PPP2CA: variants seen among roughly 807,000 people sequenced by gnomAD.
PPP2CA encodes the protein protein phosphatase 2 catalytic subunit alpha.
In PPP2CA, 5 loss-of-function variants were observed where a neutral mutation model predicts 38.8. That is an observed-to-expected ratio of 0.13 (90% CI 0.07 to 0.27). The LOEUF (loss-of-function observed/expected upper bound fraction) is 0.27. PPP2CA is among the 10% of genes least tolerant of loss of function. The pLI is 1.00. For synonymous variants in PPP2CA, 152 were observed against 134.0 expected (o/e 1.13, Z -0.93); for missense variants, 88 against 389.7 (o/e 0.23, Z 6.52).
intron 2 of PPP2CA, 45 bp downstream of exon 2, chr5:134,205,877 C>T (rs1252711559): frequency 2.0e-6 from 3 of 1,525,214 alleles, no homozygotes; most frequent in Non-Finnish European, 2.7e-6. Context: ...TTCAAGAGGA[C>T]TGTCTTACCC....
intron 2 of PPP2CA, 64 bp downstream of exon 2, chr5:134,205,858 A>G (rs568563265): frequency 6.0e-5 from 84 of 1,410,186 alleles, no homozygotes; most frequent in Middle Eastern, 2.0e-4. Context: ...AACTGGGGGA[A>G]AAAAAACTTT....
At chr5:134,200,893 T>C in intron 4 of PPP2CA, 92 bp downstream of exon 4, 1 of 1,081,564 alleles carries the variant, frequency 9.2e-7, no homozygotes, top group Non-Finnish European at 1.4e-6. Context: ...TTTTGAGAAT[T>C]ATATGAGAGA....
intron 2 of PPP2CA, among the ~76,000 whole-genome samples, chr5:134,205,016 C>T (rs1263334151): frequency 6.7e-6 from 1 of 149,720 alleles, no homozygotes; most frequent in African/African-American, 2.5e-5. Flanking sequence ...CTCATTGCAG[C>T]CACGACCTCC....
chr5:134,216,876 T>C (rs563649277), intron 1 of PPP2CA, among the ~76,000 whole-genome samples: 62 of 152,340 alleles, frequency 4.1e-4, no homozygotes, highest in Non-Finnish European at 7.6e-4. Flanking sequence ...CTGTCTTCTC[T>C]GTAGCATCAA....
intron 1 of PPP2CA, among the ~76,000 whole-genome samples, chr5:134,215,699 A>T (rs917289651): frequency 2.6e-5 from 4 of 152,176 alleles, no homozygotes; most frequent in African/African-American, 9.7e-5. Context: ...CTGGCCTCCC[A>T]ATCTGCTGGG....
Position 134,225,969 on chromosome 5 carries a change from G to T in PPP2CA, c.-108C>A. The T allele has an allele frequency of 2.9e-6, 3 of 1,019,790 alleles. No homozygotes were observed. The highest frequency in any genetic ancestry group is 2.9e-6 in the Non-Finnish European group (2 of 698,730). The allele number at this position is 1,019,790 out of a possible 1,614,324, so 63.2% of individuals were successfully genotyped here. A position where few individuals can be genotyped will look rare whatever the true frequency, so the allele number is the denominator to read the frequency against. On this transcript the variant is annotated 5_prime_UTR_variant, in exon 1 of 7. Transcript: ENST00000481195. ...GCCGGTTCCTCGTGTACTTCTGGCG[G>T]CTGTTGAGGCTGGCGCTGGCCCGCT...
chr5:134,207,140 G>A (rs4958222), intron 1 of PPP2CA, among the ~76,000 whole-genome samples: 132,866 of 152,262 alleles, frequency 0.87, 58,311 homozygotes, highest in Middle Eastern at 0.92. Flanking sequence ...GCGGTGGCTC[G>A]CACCTGTAAT....
At chr5:134,225,533 G>A (rs368684782) in intron 1 of PPP2CA, 7 of 481,418 alleles carry the variant, frequency 1.5e-5, no homozygotes, top group African/African-American at 6.2e-5. Flanking sequence ...AAGCCCAGGA[G>A]TCGAGTGAAC....
chr5:134,217,425 A>G (rs1289672661), intron 1 of PPP2CA, among the ~76,000 whole-genome samples: 1 of 152,242 alleles, frequency 6.6e-6, no homozygotes, highest in Non-Finnish European at 1.5e-5. Flanking sequence ...ACTGGAAAAA[A>G]TGCAATTAAT....
chr5:134,203,177 T>TC (rs1346141590), intron 2 of PPP2CA, among the ~76,000 whole-genome samples: 19 of 152,268 alleles, frequency 1.2e-4, no homozygotes, highest in African/African-American at 4.3e-4. Context: ...TTTGATAAAG[T>TC]CCGATTTTTC....
At chr5:134,201,749 C>T in intron 3 of PPP2CA, 99 bp downstream of exon 3, 1 of 1,294,830 alleles carries the variant, frequency 7.7e-7, no homozygotes, top group Non-Finnish European at 1.1e-6. Flanking sequence ...AAAAAATATC[C>T]CCAAAGGGGT....
At chr5:134,204,894 T>A (rs1017536648) in intron 2 of PPP2CA, among the ~76,000 whole-genome samples, 1 of 152,140 alleles carries the variant, frequency 6.6e-6, no homozygotes, top group African/African-American at 2.4e-5. Context: ...TTTTCTTGAA[T>A]TTCTCAGAAA....
At chr5:134,198,706 C>A (rs1186339180) in intron 6 of PPP2CA, among the ~76,000 whole-genome samples, 1 of 152,106 alleles carries the variant, frequency 6.6e-6, no homozygotes, top group African/African-American at 2.4e-5. Context: ...GCTGGGATTA[C>A]AGGCAGGCGC....
intron 1 of PPP2CA, among the ~76,000 whole-genome samples, chr5:134,222,161 T>A (rs564103459): frequency 1.3e-5 from 2 of 152,186 alleles, no homozygotes; most frequent in South Asian, 4.1e-4. Context: ...TTTAGTCAAG[T>A]CACTTTACCT....
chr5:134,225,343 G>C, intron 1 of PPP2CA: 1 of 176,646 alleles, frequency 5.7e-6, no homozygotes, highest in Non-Finnish European at 1.2e-5. Flanking sequence ...GGCAGCTCTG[G>C]ACCTAACTAG....
chr5:134,222,832 TATAC>T (rs1283836030), intron 1 of PPP2CA, among the ~76,000 whole-genome samples: 1 of 152,246 alleles, frequency 6.6e-6, no homozygotes, highest in East Asian at 1.9e-4. Context: ...CAAAGTATAC[TATAC>T]ACTAACAACC....
rs10649430 is a variant in PPP2CA at position 134,220,456 on chromosome 5, C to CAAAAAAAAAAA, written c.102+5293_102+5303dup. Among the ~76,000 whole-genome samples, 24 of 54,034 alleles carry CAAAAAAAAAAA rather than the reference C, an allele frequency of 4.4e-4. 2 individuals carry two copies. The highest frequency in any genetic ancestry group is 1.2e-3 in the African/African-American group (18 of 14,664). 35.4% of individuals were successfully genotyped at this position (54,034 alleles called of 152,430 possible). On this transcript the variant is annotated intron_variant, in intron 1 of 6. Transcript: ENST00000481195. ...CCTGGGCGACTGTGAGACTCTATCT[C>CAAAAAAAAAAA]AAAAAAAAAAAAAAAAAAAAAAGCC...
chr5:134,197,841 C>A lies in PPP2CA; in HGVS notation c.861G>T (p.Leu287Phe). The change falls in exon 7 of 7, where the codon TTG (leucine) becomes TTT (phenylalanine). Residue 287 changes from leucine (L) to phenylalanine (F), a missense_variant. Physicochemically the swap from Leu to Phe is conservative, Grantham distance 22. Coordinates refer to ENST00000481195, the MANE Select transcript of PPP2CA (RefSeq NM_002715.4). ...ELDDTLKYSF[L>F]QFDPAPRRGE... is the part of the protein sequence containing the mutation. ...CTCTACGAGGTGCTGGGTCAAACTGCAAGCTGAAAAACAAGACCGATTCAT... is the reference window on the plus strand; with the variant it reads ...CTCTACGAGGTGCTGGGTCAAACTGAAAGCTGAAAAACAAGACCGATTCAT... 6.2e-7 allele frequency: 1 copy of A among 1,613,944 alleles called. No individual in the cohort carries two copies. The highest frequency in any genetic ancestry group is 8.5e-7 in the Non-Finnish European group (1 of 1,179,924).
At chr5:134,221,861 G>A (rs1447740150) in intron 1 of PPP2CA, among the ~76,000 whole-genome samples, 1 of 151,602 alleles carries the variant, frequency 6.6e-6, no homozygotes, top group Non-Finnish European at 1.5e-5. Context: ...CCAGCTACTA[G>A]GGAGACTGAT....
Sources: allele counts gnomAD v4.1 joint callset (sites outside exome capture counted in the v4.1 genomes callset), GRCh38; gene constraint gnomAD v4.1.1; transcripts MANE v1.5; gene names NCBI Gene and HGNC (gene_info 2026-07-23, HGNC 2026-07-21).